TMCC1: variants seen among roughly 807,000 people sequenced by gnomAD.
TMCC1 encodes transmembrane and coiled-coil domain family 1.
A neutral mutation model predicts 52.4 loss-of-function variants in TMCC1; 15 were observed. The observed-to-expected ratio is 0.29, with a 90% CI of 0.19 to 0.44. The LOEUF (loss-of-function observed/expected upper bound fraction) is 0.44. Ranked by LOEUF, TMCC1 falls within the 20% of genes least tolerant of loss-of-function variation. TMCC1 has a pLI of 1.00. For synonymous variants in TMCC1, 279 were observed against 301.9 expected, an observed-to-expected ratio of 0.92 and a Z score of 0.79; for missense variants, 503 against 806.0, an observed-to-expected ratio of 0.62 and a Z score of 4.55.
intron 4 of TMCC1, among the ~76,000 whole-genome samples, chr3:129,815,042 G>A (rs1031997065): frequency 2.6e-5 from 4 of 151,902 alleles, no homozygotes; most frequent in Non-Finnish European, 4.4e-5. Flanking sequence ...AGTTAAAGTA[G>A]ACACCATACT....
chr3:129,826,333 C>T (rs1031194712), intron 4 of TMCC1, among the ~76,000 whole-genome samples: 8 of 141,778 alleles, frequency 5.6e-5, no homozygotes, highest in Non-Finnish European at 1.1e-4. Flanking sequence ...AAAATCTCCT[C>T]TCTACAAAAA....
intron 4 of TMCC1, among the ~76,000 whole-genome samples, chr3:129,783,290 T>C (rs1025897522): frequency 3.9e-5 from 6 of 152,170 alleles, no homozygotes; most frequent in Non-Finnish European, 7.4e-5. Context: ...GGAAATCTCA[T>C]TAGGGTATTT....
At chr3:129,728,552 G>C (rs2050289238) in intron 4 of TMCC1, among the ~76,000 whole-genome samples, 1 of 152,142 alleles carries the variant, frequency 6.6e-6, no homozygotes, top group Non-Finnish European at 1.5e-5. Flanking sequence ...CCAAAGCACT[G>C]GGATTACAGG....
chr3:129,799,184 A>T (rs2057031602), intron 4 of TMCC1, among the ~76,000 whole-genome samples: 1 of 152,212 alleles, frequency 6.6e-6, no homozygotes, highest in African/African-American at 2.4e-5. Context: ...TATTTGGATG[A>T]CTTGGACACG....
chr3:129,699,266 T>C (rs1339638169), intron 4 of TMCC1, among the ~76,000 whole-genome samples: 1 of 152,202 alleles, frequency 6.6e-6, no homozygotes, highest in Non-Finnish European at 1.5e-5. Flanking sequence ...CATCAAGACC[T>C]TGCTGATAAA....
intron 4 of TMCC1, among the ~76,000 whole-genome samples, chr3:129,742,071 A>C (rs1040442459): frequency 6.6e-6 from 1 of 152,106 alleles, no homozygotes. Context: ...GAAAGACCTA[A>C]ATCTAAAACT....
chr3:129,666,131 C>A (rs1311541560), intron 5 of TMCC1, among the ~76,000 whole-genome samples: 1 of 152,162 alleles, frequency 6.6e-6, no homozygotes, highest in Non-Finnish European at 1.5e-5. Context: ...TTTCTTCCTA[C>A]ACAAAAAGCA....
In TMCC1 at chr3:129,829,493, T is replaced by C. The variant is rs558516706; in HGVS notation, c.-130-985A>G. On this transcript the variant is annotated intron_variant, in intron 3 of 6. Transcript: ENST00000393238. ...AAAAAAGGGAGGGGGGGATGGGAGA[T>C]GATGAGATTTTTCCTAATAGAAAGT... Among the ~76,000 whole-genome samples, 35 of 141,804 alleles carry C rather than the reference T, an allele frequency of 2.5e-4. 1 individual carries two copies. In the South Asian group the frequency reaches 7.2e-3, roughly 29 times the overall value. 93.0% of individuals were successfully genotyped at this position (141,804 alleles called of 152,430 possible).
chr3:129,686,402 T>C (rs1407164206), intron 4 of TMCC1, among the ~76,000 whole-genome samples: 4 of 152,160 alleles, frequency 2.6e-5, no homozygotes, highest in Non-Finnish European at 5.9e-5. Context: ...ATGCCTGACC[T>C]AGATCTTCAT....
chr3:129,681,491 T>C (rs1195804533), intron 4 of TMCC1, among the ~76,000 whole-genome samples: 1 of 152,038 alleles, frequency 6.6e-6, no homozygotes, highest in Non-Finnish European at 1.5e-5. Context: ...CAGAGCTATG[T>C]ACTTAGAAGC....
At chr3:129,865,169 T>A (rs1450950066) in intron 2 of TMCC1, among the ~76,000 whole-genome samples, 1 of 152,074 alleles carries the variant, frequency 6.6e-6, no homozygotes, top group African/African-American at 2.4e-5. Flanking sequence ...TAAGATTTGC[T>A]CCAGAAAGCT....
intron 4 of TMCC1, among the ~76,000 whole-genome samples, chr3:129,714,848 T>C (rs575219347): frequency 6.6e-5 from 10 of 152,322 alleles, no homozygotes; most frequent in Admixed American, 2.6e-4. Context: ...ATTCTCCACA[T>C]ATCCTTAGAC....
chr3:129,838,590 T>TA (rs1412347563), intron 2 of TMCC1, among the ~76,000 whole-genome samples: 1 of 151,136 alleles, frequency 6.6e-6, no homozygotes, highest in Admixed American at 6.6e-5. Context: ...CCGTCTCTAC[T>TA]AAAAATACAA....
intron 5 of TMCC1, among the ~76,000 whole-genome samples, chr3:129,663,500 T>C (rs899747782): frequency 6.6e-6 from 1 of 152,134 alleles, no homozygotes; most frequent in Non-Finnish European, 1.5e-5. Flanking sequence ...AATAGGTTCC[T>C]AGCTGAATTG....
intron 4 of TMCC1, among the ~76,000 whole-genome samples, chr3:129,810,511 T>A (rs529397217): frequency 8.5e-5 from 13 of 152,276 alleles, no homozygotes; most frequent in African/African-American, 3.1e-4. Context: ...CTCCTGACAA[T>A]AGAAAACAGC....
intron 2 of TMCC1, among the ~76,000 whole-genome samples, chr3:129,859,135 A>G (rs2060270428): frequency 6.6e-6 from 1 of 152,294 alleles, no homozygotes; most frequent in Admixed American, 6.5e-5. Flanking sequence ...TGACATAAAC[A>G]TTGCAAAATT....
intron 5 of TMCC1, among the ~76,000 whole-genome samples, chr3:129,655,911 G>A (rs975857150): frequency 2.0e-5 from 3 of 152,206 alleles, no homozygotes; most frequent in Admixed American, 1.3e-4. Context: ...TGAGATCAGA[G>A]ATTCTAGGTG....
intron 4 of TMCC1, among the ~76,000 whole-genome samples, chr3:129,689,673 A>C (rs572339292): frequency 6.6e-6 from 1 of 152,328 alleles, no homozygotes; most frequent in East Asian, 1.9e-4. Context: ...AGTATTCACC[A>C]GCTGCGTTTA....
intron 1 of TMCC1, among the ~76,000 whole-genome samples, chr3:129,882,103 G>C (rs948529086): frequency 6.6e-6 from 1 of 152,138 alleles, no homozygotes; most frequent in Non-Finnish European, 1.5e-5. Flanking sequence ...AAAGGAGCCA[G>C]AGGAATATGG....
Sources: gnomAD v4.1 joint callset for allele counts (sites outside exome capture counted in the v4.1 genomes callset) on GRCh38, gnomAD v4.1.1 for gene constraint, MANE v1.5 for transcripts, NCBI Gene and HGNC (gene_info 2026-07-23, HGNC 2026-07-21) for gene names.